KPNA6: variants seen among roughly 807,000 people sequenced by gnomAD.
KPNA6 encodes importin subunit alpha-7.
Under a neutral mutation model 72.0 loss-of-function variants are expected in KPNA6, and 9 were observed. The observed-to-expected ratio is 0.13, with a 90% CI of 0.08 to 0.22. The LOEUF is 0.22. Ranked by LOEUF, KPNA6 falls within the 10% of genes least tolerant of loss-of-function variation. The pLI is 1.00. For synonymous variants in KPNA6, 219 were observed against 242.1 expected (o/e 0.90, Z 0.89); for missense variants, 374 against 655.7 (o/e 0.57, Z 4.69).
chr1:32,161,826 A>G, intron 7 of KPNA6, 121 bp from the exon 8 acceptor site: 1 of 710,344 alleles, frequency 1.4e-6, no homozygotes, highest in Admixed American at 2.4e-5. Context: ...TAGGTCTGTG[A>G]GTAGGAAGAA....
At chr1:32,166,498 G>A (rs578105311) in intron 11 of KPNA6, among the ~76,000 whole-genome samples, 2 of 151,990 alleles carry the variant, frequency 1.3e-5, no homozygotes, top group South Asian at 2.1e-4. Context: ...GGTGGCGGAC[G>A]CCTGTAATCT....
intron 1 of KPNA6, among the ~76,000 whole-genome samples, chr1:32,139,226 G>A (rs1370277863): frequency 3.9e-5 from 6 of 152,148 alleles, no homozygotes; most frequent in Non-Finnish European, 7.3e-5. Context: ...AACATCCTAT[G>A]GAGAGCAGAT....
chr1:32,121,587 G>T (rs1031610509), intron 1 of KPNA6, among the ~76,000 whole-genome samples: 1 of 152,170 alleles, frequency 6.6e-6, no homozygotes, highest in African/African-American at 2.4e-5. Context: ...GGGCTAAAAA[G>T]CTGGCCAAGG....
chr1:32,132,550 A>C (rs1220520195), intron 1 of KPNA6, among the ~76,000 whole-genome samples: 1 of 152,164 alleles, frequency 6.6e-6, no homozygotes, highest in Non-Finnish European at 1.5e-5. Flanking sequence ...TCAACCTCCC[A>C]AAGTGGGAAC....
intron 1 of KPNA6, among the ~76,000 whole-genome samples, chr1:32,151,356 G>A (rs1385746275): frequency 2.0e-5 from 3 of 152,132 alleles, no homozygotes; most frequent in East Asian, 1.9e-4. Flanking sequence ...AAGTCTCTCA[G>A]CCCTGTGCGA....
intron 1 of KPNA6, among the ~76,000 whole-genome samples, chr1:32,114,954 C>T (rs1472381163): frequency 6.6e-6 from 1 of 152,162 alleles, no homozygotes; most frequent in African/African-American, 2.4e-5. Flanking sequence ...AATTATGGTG[C>T]CTCAGTCTCC....
intron 1 of KPNA6, among the ~76,000 whole-genome samples, chr1:32,125,065 G>C (rs112749920): frequency 5.6e-5 from 8 of 142,848 alleles, no homozygotes; most frequent in African/African-American, 2.1e-4. Context: ...GGCTGGTCTC[G>C]AACTCCTGAG....
intron 1 of KPNA6, among the ~76,000 whole-genome samples, chr1:32,117,540 A>G (rs1031142079): frequency 2.0e-5 from 3 of 151,716 alleles, no homozygotes; most frequent in Non-Finnish European, 4.4e-5. Context: ...CTATAATCCC[A>G]GCACTTTGGG....
In KPNA6 at chr1:32,133,157, A is replaced by G. The variant is rs566193472; in HGVS notation, c.5-21431A>G. ...CCAGGAATTTGAGACTAGCCTGGAAAACATGTTGAAACCTCATCTCTACAA... is the reference window on the plus strand; with the variant it reads ...CCAGGAATTTGAGACTAGCCTGGAAGACATGTTGAAACCTCATCTCTACAA... On this transcript the variant is annotated intron_variant, in intron 1 of 13. Coordinates refer to ENST00000373625, the MANE Select transcript of KPNA6 (RefSeq NM_012316.5). Among the ~76,000 whole-genome samples the G allele has an allele frequency of 2.0e-3, 306 of 151,940 alleles. 1 individual carries two copies. Among genetic ancestry groups the G allele is most frequent in the African/African-American group, 6.8e-3 (282 of 41,456 alleles).
chr1:32,120,498 T>C (rs1448647509), intron 1 of KPNA6, among the ~76,000 whole-genome samples: 1 of 151,904 alleles, frequency 6.6e-6, no homozygotes, highest in Non-Finnish European at 1.5e-5. Context: ...TCTGCCCGCC[T>C]CAGCCTCCCA....
intron 2 of KPNA6, among the ~76,000 whole-genome samples, chr1:32,155,638 A>G (rs16834897): frequency 0.03 from 4,499 of 151,728 alleles, 276 homozygotes; most frequent in East Asian, 0.23. Flanking sequence ...GCCTGAGACT[A>G]TAATAATGCC....
intron 1 of KPNA6, among the ~76,000 whole-genome samples, chr1:32,146,507 C>A (rs1224842071): frequency 2.0e-5 from 3 of 152,066 alleles, no homozygotes; most frequent in African/African-American, 7.2e-5. Context: ...CTAGTGAACA[C>A]CATGGGAATT....
At chr1:32,141,155 G>A (rs1033596795) in intron 1 of KPNA6, among the ~76,000 whole-genome samples, 3 of 151,974 alleles carry the variant, frequency 2.0e-5, no homozygotes, top group Admixed American at 6.6e-5. Flanking sequence ...AGGAAAACTT[G>A]TACTGTGAAG....
chr1:32,170,185 T>A, intron 13 of KPNA6, 125 bp downstream of exon 13: 1 of 819,464 alleles, frequency 1.2e-6, no homozygotes, highest in Non-Finnish European at 1.9e-6. Flanking sequence ...GACTGATGTC[T>A]GTGTCTTCAG....
intron 11 of KPNA6, among the ~76,000 whole-genome samples, chr1:32,166,810 C>T (rs1433895612): frequency 8.0e-5 from 12 of 149,350 alleles, no homozygotes; most frequent in African/African-American, 2.5e-4. Context: ...TGGTGGCAGG[C>T]GCCTGTAGTC....
rs536670986 is a variant in KPNA6 at position 32,120,630 on chromosome 1, G to T, written c.4+12496G>T. 5.9e-5 allele frequency among the ~76,000 whole-genome samples: 9 copies of T among 151,678 alleles called. No homozygotes were observed. The South Asian group carries it at 1.9e-3, about 32-fold the overall frequency. On this transcript the variant is annotated intron_variant, in intron 1 of 13. Coordinates refer to ENST00000373625, the MANE Select transcript of KPNA6 (RefSeq NM_012316.5). ...CACCCAGGCTGGAGTGCAGTGGCGT[G>T]ATCTCAGCTCACTGCAACCTCCGCC... is the stretch of plus-strand genomic sequence containing the variant.
intron 1 of KPNA6, among the ~76,000 whole-genome samples, chr1:32,110,585 A>G (rs986867542): frequency 6.6e-6 from 1 of 152,156 alleles, no homozygotes; most frequent in African/African-American, 2.4e-5. Flanking sequence ...GGGCTGTGTT[A>G]TCAAGATATT....
intron 1 of KPNA6, among the ~76,000 whole-genome samples, chr1:32,111,064 C>T (rs1641237264): frequency 6.6e-6 from 1 of 152,104 alleles, no homozygotes; most frequent in Non-Finnish European, 1.5e-5. Flanking sequence ...GTAGCTGGAG[C>T]TTCATCTTTC....
At chr1:32,124,342 C>T (rs1048523824) in intron 1 of KPNA6, among the ~76,000 whole-genome samples, 4 of 151,896 alleles carry the variant, frequency 2.6e-5, no homozygotes, top group African/African-American at 9.7e-5. Context: ...CACTGCACTC[C>T]AGCCTGGGCA....
Sources: gnomAD v4.1 joint callset for allele counts (sites outside exome capture counted in the v4.1 genomes callset) on GRCh38, gnomAD v4.1.1 for gene constraint, MANE v1.5 for transcripts, NCBI Gene and HGNC (gene_info 2026-07-23, HGNC 2026-07-21) for gene names.